Variants in BBX observed in about 807,000 individuals in gnomAD.
The protein encoded by BBX is HMG box transcription factor BBX.
Under a neutral mutation model 100.2 loss-of-function variants are expected in BBX, and 30 were observed. That is an observed-to-expected ratio of 0.30 (90% confidence interval 0.22 to 0.41). BBX has a LOEUF of 0.41. Ranked by LOEUF, BBX falls within the 10% of genes least tolerant of loss-of-function variation. The pLI is 1.00. For missense variants in BBX, 1,023 were observed against 1,129.8 expected (o/e 0.91, Z 1.35); for synonymous variants, 376 against 388.1 (o/e 0.97, Z 0.37).
chr3:107,778,673 CT>C lies in BBX; in HGVS notation c.2203+161del, dbSNP rs1462954446. On this transcript the variant is annotated intron_variant, in intron 13 of 17. Coordinates refer to ENST00000325805, the MANE Select transcript of BBX (RefSeq NM_001142568.3). ...TTGCTTTCCAAGATTATCTTTGTCC[CT>C]TTTTTTCTTCCTTATTTTCTGTAGC... 3.3e-5 allele frequency among the ~76,000 whole-genome samples: 5 copies of C among 151,948 alleles called. No homozygotes were observed. In the South Asian group the frequency reaches 8.3e-4, roughly 25 times the overall value.
At chr3:107,584,294 T>C (rs1271130251) in intron 2 of BBX, among the ~76,000 whole-genome samples, 1 of 138,038 alleles carries the variant, frequency 7.2e-6, no homozygotes, top group African/African-American at 2.8e-5. Context: ...TCTTCTGAAC[T>C]TAGTTCAACT....
intron 13 of BBX, among the ~76,000 whole-genome samples, chr3:107,786,067 A>T (rs1402334628): frequency 2.6e-5 from 4 of 152,122 alleles, no homozygotes. Flanking sequence ...TTAGGAACAC[A>T]ATTCCATTTA....
chr3:107,735,344 A>G (rs997631138), intron 7 of BBX, among the ~76,000 whole-genome samples: 14 of 152,130 alleles, frequency 9.2e-5, no homozygotes, highest in African/African-American at 3.1e-4. Context: ...GATAAGAGAA[A>G]TACAGAAATT....
chr3:107,596,285 A>G (rs1285275951), intron 2 of BBX, among the ~76,000 whole-genome samples: 3 of 152,194 alleles, frequency 2.0e-5, no homozygotes. Flanking sequence ...GACTTCATGC[A>G]GTCATTCAGT....
intron 2 of BBX, among the ~76,000 whole-genome samples, chr3:107,637,218 A>G (rs867791555): frequency 6.6e-6 from 1 of 152,194 alleles, no homozygotes; most frequent in South Asian, 2.1e-4. Flanking sequence ...AATATTTTAC[A>G]TGCTCACTTC....
intron 3 of BBX, among the ~76,000 whole-genome samples, chr3:107,695,823 G>A (rs1296053410): frequency 6.6e-6 from 1 of 151,566 alleles, no homozygotes; most frequent in Non-Finnish European, 1.5e-5. Flanking sequence ...ATTAATGTGT[G>A]GGAGTCTAAG....
At chr3:107,672,045 T>A (rs1244186973) in intron 3 of BBX, among the ~76,000 whole-genome samples, 1 of 152,082 alleles carries the variant, frequency 6.6e-6, no homozygotes, top group East Asian at 1.9e-4. Flanking sequence ...ATGTAGTGTA[T>A]TTTATTTGAA....
Position 107,801,151 on chromosome 3 carries a change from T to G in BBX, c.2608T>G (p.Cys870Gly), listed in dbSNP as rs767511654. The change falls in exon 17 of 18, where the codon TGC (cysteine) becomes GGC (glycine). Residue 870 changes from cysteine to glycine, a missense_variant. Cys to Gly is a radical substitution (Grantham distance 159). Coordinates refer to ENST00000325805, the MANE Select transcript of BBX (RefSeq NM_001142568.3). The part of the protein sequence containing the change: ...RSLPKATETD[C>G]NDKCSHNTEV... The stretch of plus-strand genomic sequence containing the variant: ...TCTCCCTAAAGCAACTGAGACAGAC[T>G]GCAATGACAAATGCTCACACAACAC... The G allele has an allele frequency of 1.2e-5, 20 of 1,614,216 alleles. No individual in the cohort carries two copies. In the East Asian group the frequency reaches 4.5e-4, roughly 36 times the overall value.
intron 2 of BBX, among the ~76,000 whole-genome samples, chr3:107,632,434 C>G (rs2056606410): frequency 6.6e-6 from 1 of 152,078 alleles, no homozygotes; most frequent in African/African-American, 2.4e-5. Flanking sequence ...TTGAAAGTGT[C>G]TAGGTGTGTC....
chr3:107,608,464 A>T (rs893379265), intron 2 of BBX, among the ~76,000 whole-genome samples: 5 of 152,124 alleles, frequency 3.3e-5, no homozygotes, highest in African/African-American at 1.2e-4. Flanking sequence ...TGGTTGCTAT[A>T]GCCCAGTAGT....
intron 5 of BBX, among the ~76,000 whole-genome samples, chr3:107,721,348 A>G (rs959313345): frequency 1.3e-5 from 2 of 151,300 alleles, no homozygotes; most frequent in African/African-American, 4.9e-5. Context: ...GCTTTTCCAT[A>G]GTTGTTTTGT....
intron 3 of BBX, among the ~76,000 whole-genome samples, chr3:107,708,307 C>T (rs2061503942): frequency 6.6e-6 from 1 of 152,182 alleles, no homozygotes; most frequent in Non-Finnish European, 1.5e-5. Context: ...CCAGCATGAG[C>T]TTCTTGCTAA....
At chr3:107,713,700 T>A (rs2061881917) in intron 4 of BBX, among the ~76,000 whole-genome samples, 1 of 152,168 alleles carries the variant, frequency 6.6e-6, no homozygotes, top group Non-Finnish European at 1.5e-5. Flanking sequence ...TCCAAACTGC[T>A]GGTTTACAGG....
chr3:107,628,336 C>T (rs1291460178), intron 2 of BBX, among the ~76,000 whole-genome samples: 2 of 151,424 alleles, frequency 1.3e-5, no homozygotes, highest in Non-Finnish European at 2.9e-5. Context: ...AAATTGTGTG[C>T]ATGTGCAAAT....
At chr3:107,662,052 T>G in intron 3 of BBX, 1 of 285,054 alleles carries the variant, frequency 3.5e-6, no homozygotes, top group Non-Finnish European at 5.3e-6. Context: ...AATAAATTTG[T>G]AAACTCTTGT....
At chr3:107,663,772 T>C (rs2058589635) in intron 3 of BBX, among the ~76,000 whole-genome samples, 1 of 151,870 alleles carries the variant, frequency 6.6e-6, no homozygotes, top group South Asian at 2.1e-4. Flanking sequence ...TTTCTTTTAA[T>C]GGCTATTTAG....
intron 8 of BBX, 33 bp from the exon 9 acceptor site, chr3:107,747,932 A>G: frequency 6.4e-7 from 1 of 1,554,324 alleles, no homozygotes. Flanking sequence ...GAAAAATGTC[A>G]TTGTATATTA....
At chr3:107,656,163 T>C (rs1415990733) in intron 3 of BBX, among the ~76,000 whole-genome samples, 1 of 150,244 alleles carries the variant, frequency 6.7e-6, no homozygotes, top group African/African-American at 2.4e-5. Flanking sequence ...CATTTCATAA[T>C]TGGTCCAAGA....
At chr3:107,704,231 T>TA (rs987727643) in intron 3 of BBX, among the ~76,000 whole-genome samples, 4 of 152,086 alleles carry the variant, frequency 2.6e-5, no homozygotes, top group Non-Finnish European at 5.9e-5. Flanking sequence ...ATCAGAATTT[T>TA]AAAAAAAATT....
Sources: gnomAD v4.1 joint callset for allele counts (sites outside exome capture counted in the v4.1 genomes callset) on GRCh38, gnomAD v4.1.1 for gene constraint, MANE v1.5 for transcripts, NCBI Gene and HGNC (gene_info 2026-07-23, HGNC 2026-07-21) for gene names.